Variants in DOCK8 observed in about 807,000 individuals in gnomAD.
DOCK8 encodes the protein dedicator of cytokinesis 8.
A neutral mutation model predicts 245.6 loss-of-function variants in DOCK8; 141 were observed. That is an observed-to-expected ratio of 0.57 (90% CI 0.50 to 0.66). DOCK8 has a LOEUF of 0.66. DOCK8 is among the 30% of genes least tolerant of loss of function. DOCK8 has a pLI of 0.00. For synonymous variants in DOCK8, 1,168 were observed against 970.2 expected (o/e 1.20, Z -3.79); for missense variants, 2,965 against 2,603.4 (o/e 1.14, Z -3.02).
intron 5 of DOCK8, among the ~76,000 whole-genome samples, chr9:308,902 C>T (rs538737713): frequency 3.0e-4 from 45 of 152,334 alleles, no homozygotes; most frequent in African/African-American, 9.9e-4. Context: ...CATGATCCCC[C>T]GGCCTTGGCC....
chr9:455,545 GTAGGTCTGGGGTTGGTCCTGAAGCACTGC>G (rs1039153455), intron 46 of DOCK8, among the ~76,000 whole-genome samples: 8 of 152,174 alleles, frequency 5.3e-5, no homozygotes, highest in Non-Finnish European at 8.8e-5. Context: ...TTCTGATTCA[GTAGGTCTGGGGTTGGTCCTGAAGCACTGC>G]ATTTCTAACA....
At chr9:375,001 A>G (rs868218292) in intron 18 of DOCK8, among the ~76,000 whole-genome samples, 1 of 152,184 alleles carries the variant, frequency 6.6e-6, no homozygotes, top group Admixed American at 6.5e-5. Context: ...GATTGGTGAC[A>G]TGCTGGGATA....
At chr9:434,319 T>C (rs1019707183) in intron 38 of DOCK8, among the ~76,000 whole-genome samples, 3 of 152,218 alleles carry the variant, frequency 2.0e-5, no homozygotes, top group Non-Finnish European at 4.4e-5. Flanking sequence ...CAGACATACA[T>C]ATATAGTTTT....
At chr9:290,056 T>G (rs919883688) in intron 4 of DOCK8, among the ~76,000 whole-genome samples, 1 of 152,208 alleles carries the variant, frequency 6.6e-6, no homozygotes, top group Non-Finnish European at 1.5e-5. Context: ...TGTGGCTTGA[T>G]AGCTCATTTT....
intron 1 of DOCK8, among the ~76,000 whole-genome samples, chr9:247,750 G>T (rs1264633595): frequency 1.3e-5 from 2 of 151,950 alleles, no homozygotes; most frequent in Non-Finnish European, 2.9e-5. Context: ...TGTTAGCCAG[G>T]ATGGTCTCAA....
chr9:445,574 C>G (rs1483361086), intron 43 of DOCK8, among the ~76,000 whole-genome samples: 4 of 152,184 alleles, frequency 2.6e-5, no homozygotes, highest in Admixed American at 2.6e-4. Context: ...ACCTTCATAA[C>G]CAAGATATAG....
Position 400,942 on chromosome 9 carries a change from CACCA to C in DOCK8, c.3234+1684_3234+1687del, listed in dbSNP as rs1564016584. On this transcript the variant is annotated intron_variant, in intron 26 of 47. Coordinates refer to ENST00000432829, the MANE Select transcript of DOCK8 (RefSeq NM_203447.4). ...TCACCATCACCACAACATCCACCACCACCATCACCACCACCACCACCACCTCCTC... is the reference window on the plus strand; with the variant it reads ...TCACCATCACCACAACATCCACCACCTCACCACCACCACCACCACCTCCTC... Among the ~76,000 whole-genome samples the C allele has an allele frequency of 1.3e-4, 8 of 63,868 alleles. 1 individual carries two copies. Among genetic ancestry groups the C allele is most frequent in the Non-Finnish European group, 2.0e-4 (8 of 39,994 alleles). The allele number at this position is 63,868 out of a possible 152,430, so 41.9% of individuals were successfully genotyped here. A position where few individuals can be genotyped will look rare whatever the true frequency, so the allele number is the denominator to read the frequency against.
chr9:286,341 A>C, intron 2 of DOCK8, 120 bp from the exon 3 acceptor site: 1 of 1,140,370 alleles, frequency 8.8e-7, no homozygotes, highest in South Asian at 1.5e-5. Flanking sequence ...GCTCCGTTTT[A>C]TGCCAGGAGC....
intron 26 of DOCK8, among the ~76,000 whole-genome samples, chr9:399,807 C>G (rs192641531): frequency 1.5e-4 from 23 of 152,060 alleles, no homozygotes; most frequent in Non-Finnish European, 1.5e-5. Flanking sequence ...TATTCATGTG[C>G]TGTCTCCCTC....
At chr9:332,271 A>T in intron 9 of DOCK8, 127 bp from the exon 10 acceptor site, 1 of 657,306 alleles carries the variant, frequency 1.5e-6, no homozygotes, top group South Asian at 1.9e-5. Context: ...TTAATAAAAA[A>T]ATATGTATCA....
intron 9 of DOCK8, among the ~76,000 whole-genome samples, chr9:329,972 T>C (rs776572196): frequency 6.6e-6 from 1 of 152,250 alleles, no homozygotes; most frequent in Non-Finnish European, 1.5e-5. Flanking sequence ...AATGCCATCA[T>C]TGTTGCTTCT....
intron 5 of DOCK8, among the ~76,000 whole-genome samples, chr9:306,628 ACTTCAG>A (rs2049843003): frequency 1.3e-5 from 2 of 152,218 alleles, no homozygotes; most frequent in African/African-American, 2.4e-5. Flanking sequence ...GTGGTTCTCC[ACTTCAG>A]CTTCATCAGA....
intron 18 of DOCK8, among the ~76,000 whole-genome samples, chr9:375,946 G>A (rs1041480104): frequency 1.8e-4 from 27 of 152,176 alleles, no homozygotes; most frequent in Admixed American, 6.5e-4. Context: ...GCAGTGAACC[G>A]TGATTGCACC....
At chr9:394,581 G>C (rs2054357073) in intron 24 of DOCK8, among the ~76,000 whole-genome samples, 1 of 152,186 alleles carries the variant, frequency 6.6e-6, no homozygotes, top group African/African-American at 2.4e-5. Flanking sequence ...ACAATGCTTG[G>C]GCGACTTTCA....
rs201029469 is a variant in DOCK8 at position 370,222 on chromosome 9, G to C, written c.1798-8G>C. The C allele has an allele frequency of 7.4e-6, 12 of 1,612,530 alleles. No homozygotes were observed. Among genetic ancestry groups the C allele is most frequent in the Non-Finnish European group, 9.3e-6 (11 of 1,178,536 alleles). ...TGATAATTTGATCCTTTCTCTACTG[G>C]TGAACAGGTCATCTTTGGAAAATCC... On this transcript the variant is annotated splice_polypyrimidine_tract_variant and splice_region_variant and intron_variant, in intron 15 of 47. Coordinates refer to ENST00000432829, the MANE Select transcript of DOCK8 (RefSeq NM_203447.4).
At chr9:279,374 A>G (rs2048482344) in intron 2 of DOCK8, among the ~76,000 whole-genome samples, 1 of 152,236 alleles carries the variant, frequency 6.6e-6, no homozygotes. Context: ...TGTAATTTTA[A>G]AAATGTATAT....
chr9:296,813 G>T (rs561200221), intron 4 of DOCK8, among the ~76,000 whole-genome samples: 1 of 152,262 alleles, frequency 6.6e-6, no homozygotes, highest in East Asian at 1.9e-4. Context: ...ATGTCACAGA[G>T]CCACTCTTGA....
chr9:258,926 A>G (rs761425276), intron 1 of DOCK8, among the ~76,000 whole-genome samples: 8 of 152,044 alleles, frequency 5.3e-5, no homozygotes, highest in African/African-American at 1.9e-4. Flanking sequence ...TACTTTCATA[A>G]TAGTTTAAAA....
intron 14 of DOCK8, among the ~76,000 whole-genome samples, chr9:366,911 G>A (rs10814269): frequency 0.34 from 52,182 of 152,034 alleles, 11,081 homozygotes; most frequent in African/African-American, 0.6. Context: ...GCACAGTATG[G>A]AAAGGCCATG....
Sources: gnomAD v4.1 joint callset for allele counts (sites outside exome capture counted in the v4.1 genomes callset) on GRCh38, gnomAD v4.1.1 for gene constraint, MANE v1.5 for transcripts, NCBI Gene and HGNC (gene_info 2026-07-23, HGNC 2026-07-21) for gene names.